Variants in OPCML observed in about 807,000 individuals in gnomAD.
OPCML encodes opioid-binding protein/cell adhesion molecule.
A neutral mutation model predicts 37.8 loss-of-function variants in OPCML; 13 were observed. The ratio of observed to expected loss-of-function variants is 0.34; its 90% CI spans 0.22 to 0.55. The LOEUF (loss-of-function observed/expected upper bound fraction) is 0.55, where lower values mean the gene tolerates loss of function less well. OPCML is among the 20% of genes least tolerant of loss of function. The pLI is 0.91. For synonymous variants in OPCML, 176 were observed against 168.8 expected, an observed-to-expected ratio of 1.04 and a Z score of -0.33; for missense variants, 341 against 435.6, an observed-to-expected ratio of 0.78 and a Z score of 1.93.
At chr11:132,764,450 A>G (rs763023087) in intron 2 of OPCML, among the ~76,000 whole-genome samples, 6 of 152,226 alleles carry the variant, frequency 3.9e-5, no homozygotes, top group Non-Finnish European at 7.3e-5. Context: ...CTGCAGAGAG[A>G]AGACCTGGTT....
chr11:133,148,211 C>T (rs1949925161), intron 1 of OPCML, among the ~76,000 whole-genome samples: 2 of 152,206 alleles, frequency 1.3e-5, no homozygotes, highest in South Asian at 4.1e-4. Context: ...TACTGCTCCT[C>T]ACGAGGTAGC....
intron 2 of OPCML, among the ~76,000 whole-genome samples, chr11:132,912,287 T>C (rs537413333): frequency 2.6e-5 from 4 of 152,338 alleles, no homozygotes; most frequent in South Asian, 4.1e-4. Flanking sequence ...TTATATAGTA[T>C]AGTACGTTGC....
chr11:133,183,297 A>T (rs552400757), intron 1 of OPCML, among the ~76,000 whole-genome samples: 1 of 152,110 alleles, frequency 6.6e-6, no homozygotes, highest in Non-Finnish European at 1.5e-5. Flanking sequence ...ACAGAGAAAA[A>T]CCCTTCATCT....
intron 7 of OPCML, among the ~76,000 whole-genome samples, chr11:132,423,595 T>G (rs2095967495): frequency 6.6e-6 from 1 of 152,238 alleles, no homozygotes; most frequent in African/African-American, 2.4e-5. Flanking sequence ...GCAGTAGCCC[T>G]GTGTAACTGG....
intron 2 of OPCML, among the ~76,000 whole-genome samples, chr11:132,834,671 T>C (rs10894617): frequency 0.35 from 53,954 of 152,114 alleles, 10,861 homozygotes; most frequent in Non-Finnish European, 0.47. Flanking sequence ...CCAAACTCCC[T>C]TCTTCTTATA....
intron 3 of OPCML, among the ~76,000 whole-genome samples, chr11:132,653,925 C>T (rs1941565630): frequency 6.6e-6 from 1 of 152,176 alleles, no homozygotes; most frequent in African/African-American, 2.4e-5. Context: ...AAATCAATAC[C>T]CATCAGCAGT....
chr11:132,503,730 T>C (rs2096250573), intron 4 of OPCML, among the ~76,000 whole-genome samples: 1 of 152,116 alleles, frequency 6.6e-6, no homozygotes, highest in Non-Finnish European at 1.5e-5. Flanking sequence ...GGATGCTAGT[T>C]ATAATTATTA....
intron 1 of OPCML, among the ~76,000 whole-genome samples, chr11:133,333,675 A>G (rs1466513721): frequency 1.3e-5 from 2 of 152,252 alleles, no homozygotes; most frequent in Non-Finnish European, 2.9e-5. Flanking sequence ...CTGTGCAGCG[A>G]AAGAAACTAT....
At position 133,183,519 on chromosome 11, in the gene OPCML, A is replaced by C. The variant is rs569400444; in HGVS notation, c.62-240509T>G. Among the ~76,000 whole-genome samples, 6 of 152,306 alleles carry C rather than the reference A, an allele frequency of 3.9e-5. No homozygotes were observed. In the South Asian group the frequency reaches 1.2e-3, roughly 32 times the overall value. On this transcript the variant is annotated intron_variant, in intron 1 of 7. Transcript: ENST00000524381. ...GACTGGAAAATATTTTCTTCTAACT[A>C]CTGTGACATAAGTACCATCCCTTCA...
At chr11:133,201,641 A>G (rs1938796448) in intron 1 of OPCML, among the ~76,000 whole-genome samples, 1 of 152,222 alleles carries the variant, frequency 6.6e-6, no homozygotes, top group African/African-American at 2.4e-5. Context: ...AAGAAGAAAA[A>G]GTAAATGAAG....
chr11:133,294,815 C>CTTTTTTTTTTTTTTTTTTTTTTTTTTT (rs59382534), intron 1 of OPCML, among the ~76,000 whole-genome samples: 8 of 56,560 alleles, frequency 1.4e-4, no homozygotes, highest in Non-Finnish European at 2.6e-4. Context: ...TTCTTTCTTT[C>CTTTTTTTTTTTTTTTTTTTTTTTTTTT]TTTTTTTTTT....
intron 1 of OPCML, among the ~76,000 whole-genome samples, chr11:133,234,467 TCCA>T (rs1940426247): frequency 6.6e-6 from 1 of 152,188 alleles, no homozygotes; most frequent in African/African-American, 2.4e-5. Context: ...AAGCAGGTCA[TCCA>T]GTGGAAAGCA....
intron 2 of OPCML, among the ~76,000 whole-genome samples, chr11:132,870,693 T>C (rs1159643308): frequency 1.3e-5 from 2 of 152,154 alleles, no homozygotes; most frequent in Non-Finnish European, 2.9e-5. Context: ...GAAAATGTTG[T>C]AGATAAATTC....
At chr11:132,698,482 A>G (rs887644907) in intron 2 of OPCML, among the ~76,000 whole-genome samples, 6 of 152,038 alleles carry the variant, frequency 3.9e-5, no homozygotes, top group Non-Finnish European at 8.8e-5. Flanking sequence ...CATTTTTAAT[A>G]AGGTTTTATT....
At chr11:133,121,079 T>C (rs553863360) in intron 1 of OPCML, among the ~76,000 whole-genome samples, 2 of 152,222 alleles carry the variant, frequency 1.3e-5, no homozygotes, top group East Asian at 3.9e-4. Flanking sequence ...CGTGTCACCA[T>C]GTCTGGCTAA....
At chr11:132,833,361 C>T (rs1940820207) in intron 2 of OPCML, among the ~76,000 whole-genome samples, 1 of 152,156 alleles carries the variant, frequency 6.6e-6, no homozygotes, top group African/African-American at 2.4e-5. Context: ...CTATCACTGT[C>T]CTTCACCTCC....
chr11:132,745,520 C>G (rs543835283), intron 2 of OPCML, among the ~76,000 whole-genome samples: 1 of 144,688 alleles, frequency 6.9e-6, no homozygotes, highest in Non-Finnish European at 1.5e-5. Flanking sequence ...CTCTGTTTCC[C>G]TGGCAACCAT....
At chr11:132,537,969 A>G (rs1201774780) in intron 3 of OPCML, among the ~76,000 whole-genome samples, 2 of 152,220 alleles carry the variant, frequency 1.3e-5, no homozygotes, top group Non-Finnish European at 2.9e-5. Context: ...GTGGGAATGT[A>G]AAACAGCACA....
chr11:133,060,982 G>A (rs1028974504), intron 1 of OPCML, among the ~76,000 whole-genome samples: 1 of 152,258 alleles, frequency 6.6e-6, no homozygotes, highest in Admixed American at 6.5e-5. Context: ...GTCTAAGAGG[G>A]ATGCGAGCTA....
Sources: gnomAD v4.1 joint callset for allele counts (sites outside exome capture counted in the v4.1 genomes callset) on GRCh38, gnomAD v4.1.1 for gene constraint, MANE v1.5 for transcripts, NCBI Gene and HGNC (gene_info 2026-07-23, HGNC 2026-07-21) for gene names.